The following FHAD1 variants were observed in gnomAD, a reference collection of about 807,000 sequenced individuals.
The protein encoded by FHAD1 is forkhead associated phosphopeptide binding domain 1, also known as forkhead-associated domain-containing protein 1.
FHAD1 carries 146 observed loss-of-function variants against 191.3 expected under a neutral mutation model. That is an observed-to-expected ratio of 0.76 (90% CI 0.67 to 0.88). FHAD1 has a LOEUF of 0.88. Among genes scored for constraint, FHAD1 ranks in the 40% least tolerant of loss-of-function variants. The probability of loss-of-function intolerance (pLI) is 0.00; values close to 1 mark genes in which losing one functional copy is unlikely to be tolerated. For missense variants in FHAD1, 1,635 were observed against 1,785.8 expected (o/e 0.92, Z 1.52); for synonymous variants, 616 against 672.3 (o/e 0.92, Z 1.29).
intron 31 of FHAD1, among the ~76,000 whole-genome samples, chr1:15,385,741 CT>C (rs112417113): frequency 0.013 from 1,958 of 152,150 alleles, 40 homozygotes; most frequent in African/African-American, 0.043. Context: ...CACCACTGCC[CT>C]CCAGCCTGGG....
At position 15,359,981 on chromosome 1, in the gene FHAD1, C is replaced by T. The variant is rs192990231; in HGVS notation, c.2737-497C>T. Among the ~76,000 whole-genome samples, 16 of 152,028 alleles carry T rather than the reference C, an allele frequency of 1.1e-4. No individual in the cohort carries two copies. In the South Asian group the frequency reaches 2.5e-3, roughly 24 times the overall value. On this transcript the variant is annotated intron_variant, in intron 21 of 33. Transcript: ENST00000688493. ...AAAAAAAATTAGCTGAGTGTGTTGG[C>T]GCACACCTGTAGTTCCAGCTACTCA...
Position 15,382,180 on chromosome 1 carries a change from T to G in FHAD1, c.4175T>G (p.Ile1392Ser). Reference sequence around the variant, plus strand: ...CAGGAGAAGAGGATCAACAGGGCCATCCGGCAGCAGAAGGTGAGGCGCTGC... The same window carrying G: ...CAGGAGAAGAGGATCAACAGGGCCAGCCGGCAGCAGAAGGTGAGGCGCTGC... ...LCQEKRINRA[I>S]RQQKESVEEH... The change falls in exon 31 of 34, where the codon ATC (isoleucine) becomes AGC (serine). Residue 1392 changes from isoleucine to serine, a missense_variant. Coordinates refer to ENST00000688493, the MANE Select transcript of FHAD1 (RefSeq NM_001391957.1). 3.2e-6 allele frequency: 5 copies of G among 1,551,228 alleles called. No homozygotes were observed. Among genetic ancestry groups the G allele is most frequent in the Non-Finnish European group, 4.4e-6 (5 of 1,146,978 alleles).
chr1:15,358,537 A>G (rs1321843425), intron 21 of FHAD1, among the ~76,000 whole-genome samples: 1 of 152,232 alleles, frequency 6.6e-6, no homozygotes, highest in Non-Finnish European at 1.5e-5. Context: ...GACATTGCCA[A>G]GTGTCCCTTA....
intron 8 of FHAD1, 29 bp downstream of exon 8, chr1:15,313,216 A>AAG (rs2101167595): frequency 6.5e-7 from 1 of 1,549,070 alleles, no homozygotes; most frequent in East Asian, 2.4e-5. Flanking sequence ...GTCACCTTGT[A>AAG]GCCATCCGGT....
chr1:15,273,064 T>G (rs1656801692), intron 3 of FHAD1, among the ~76,000 whole-genome samples: 1 of 152,182 alleles, frequency 6.6e-6, no homozygotes, highest in Non-Finnish European at 1.5e-5. Flanking sequence ...TAAACATGTC[T>G]GATTATCAGA....
intron 26 of FHAD1, among the ~76,000 whole-genome samples, chr1:15,372,284 C>A (rs1698324560): frequency 6.6e-6 from 1 of 152,112 alleles, no homozygotes; most frequent in African/African-American, 2.4e-5. Flanking sequence ...ACTGTTGAAC[C>A]CCTTGTAGGA....
At chr1:15,259,344 T>A (rs1262087890) in intron 2 of FHAD1, among the ~76,000 whole-genome samples, 1 of 152,204 alleles carries the variant, frequency 6.6e-6, no homozygotes, top group Non-Finnish European at 1.5e-5. Context: ...ATTATCGTTA[T>A]TATCCTCATG....
chr1:15,295,188 C>G (rs556829589), intron 4 of FHAD1, among the ~76,000 whole-genome samples: 1 of 152,266 alleles, frequency 6.6e-6, no homozygotes, highest in South Asian at 2.1e-4. Flanking sequence ...AGCTGTGGGA[C>G]CTTCAGCAAG....
intron 28 of FHAD1, among the ~76,000 whole-genome samples, chr1:15,379,923 ACTT>A (rs1234566419): frequency 1.3e-5 from 2 of 152,154 alleles, no homozygotes; most frequent in East Asian, 3.8e-4. Flanking sequence ...TCCCATGTCT[ACTT>A]CTTTCTACAC....
At chr1:15,237,064 G>T (rs775540625) in intron 1 of FHAD1, among the ~76,000 whole-genome samples, 7 of 152,048 alleles carry the variant, frequency 4.6e-5, no homozygotes, top group African/African-American at 7.2e-5. Context: ...CACCATGATC[G>T]TAAGTTTCCT....
At chr1:15,309,437 TAAG>T (rs1269281064) in intron 7 of FHAD1, among the ~76,000 whole-genome samples, 1 of 151,874 alleles carries the variant, frequency 6.6e-6, no homozygotes. Flanking sequence ...TGACAGACAA[TAAG>T]AAGTAAAAAG....
chr1:15,241,477 C>T (rs1645363966), intron 1 of FHAD1, among the ~76,000 whole-genome samples: 1 of 151,984 alleles, frequency 6.6e-6, no homozygotes, highest in African/African-American at 2.4e-5. Context: ...ATTGTGAAAC[C>T]CCACCTATAT....
At chr1:15,313,721 G>A (rs573548357) in intron 8 of FHAD1, among the ~76,000 whole-genome samples, 2 of 152,248 alleles carry the variant, frequency 1.3e-5, no homozygotes, top group Non-Finnish European at 1.5e-5. Flanking sequence ...ACTTTAGTGT[G>A]GGTAAGAATA....
intron 25 of FHAD1, 24 bp from the exon 26 acceptor site, chr1:15,369,346 C>T (rs41269443): frequency 0.018 from 27,226 of 1,551,320 alleles, 660 homozygotes; most frequent in South Asian, 0.097. Context: ...GAACCTCGTG[C>T]CATCCTCCTC....
chr1:15,329,296 C>T lies in FHAD1; in HGVS notation c.1711-50C>T, dbSNP rs1415318195. 36 of 1,450,314 alleles carry T rather than the reference C, an allele frequency of 2.5e-5. No individual in the cohort carries two copies. The highest frequency in any genetic ancestry group is 3.2e-5 in the Non-Finnish European group (34 of 1,076,218). The allele number at this position is 1,450,314 out of a possible 1,614,324, so 89.8% of individuals were successfully genotyped here. On this transcript the variant is annotated intron_variant, in intron 13 of 33. Transcript: ENST00000688493. The surrounding 1 kb of genome is among the most constrained non-coding windows in gnomAD (Gnocchi z 5.0). Reference sequence around the variant, plus strand: ...TGTTCCTCGAAGGTCACGTCAGGGGCTATTTCTGGCCACAGGGCCTGGGCT... The same window carrying T: ...TGTTCCTCGAAGGTCACGTCAGGGGTTATTTCTGGCCACAGGGCCTGGGCT...
Position 15,302,034 on chromosome 1 carries a change from A to C in FHAD1, c.915+593A>C, listed in dbSNP as rs954358731. On this transcript the variant is annotated intron_variant, in intron 6 of 33. Transcript: ENST00000688493. Reference sequence around the variant, plus strand: ...TGTCTCAAAAAGAAAGAAAGAAAAAAGTCTAAGACAGGCCCAGAGACACCC... The same window carrying C: ...TGTCTCAAAAAGAAAGAAAGAAAAACGTCTAAGACAGGCCCAGAGACACCC... Among the ~76,000 whole-genome samples the C allele has an allele frequency of 3.9e-5, 6 of 152,176 alleles. No homozygotes were observed. In the East Asian group the frequency reaches 7.7e-4, roughly 20 times the overall value.
intron 1 of FHAD1, among the ~76,000 whole-genome samples, chr1:15,249,553 T>C (rs1357437896): frequency 6.6e-6 from 1 of 152,216 alleles, no homozygotes; most frequent in Non-Finnish European, 1.5e-5. Flanking sequence ...AATAAAATTC[T>C]CATTATATGA....
At chr1:15,307,656 G>A (rs534581335) in intron 6 of FHAD1, among the ~76,000 whole-genome samples, 26 of 152,118 alleles carry the variant, frequency 1.7e-4, no homozygotes, top group Admixed American at 5.2e-4. Context: ...TTGCTTTTTC[G>A]TCATTTTCTC....
intron 14 of FHAD1, among the ~76,000 whole-genome samples, chr1:15,339,136 C>T (rs1569653093): frequency 1.3e-5 from 2 of 152,210 alleles, no homozygotes; most frequent in Non-Finnish European, 2.9e-5. Context: ...CATGCCTCAG[C>T]CTCCCAAGTA....
Sources: gnomAD v4.1 joint callset for allele counts (sites outside exome capture counted in the v4.1 genomes callset) on GRCh38, gnomAD v4.1.1 for gene constraint, Gnocchi (gnomAD v3.1) non-coding constraint, MANE v1.5 for transcripts, NCBI Gene and HGNC (gene_info 2026-07-23, HGNC 2026-07-21) for gene names.